Variants in PATJ observed in about 807,000 individuals in gnomAD.
PATJ encodes the protein inaD-like protein.
PATJ carries 190 observed loss-of-function variants against 224.9 expected under a neutral mutation model. The ratio of observed to expected loss-of-function variants is 0.84; its 90% confidence interval spans 0.75 to 0.95. PATJ has a LOEUF of 0.95. PATJ is among the 40% of genes least tolerant of loss of function. The probability of loss-of-function intolerance (pLI) is 0.00; values close to 1 mark genes in which losing one functional copy is unlikely to be tolerated. For synonymous variants in PATJ, 769 were observed against 820.3 expected (o/e 0.94, Z 1.07); for missense variants, 2,121 against 2,270.3 (o/e 0.93, Z 1.34).
At chr1:61,963,155 A>G (rs1172878178) in intron 27 of PATJ, among the ~76,000 whole-genome samples, 2 of 152,214 alleles carry the variant, frequency 1.3e-5, no homozygotes, top group Non-Finnish European at 2.9e-5. Flanking sequence ...TAGGTTAAAG[A>G]TCAGCATATA....
At chr1:62,091,187 C>T (rs1660686755) in intron 33 of PATJ, among the ~76,000 whole-genome samples, 1 of 151,948 alleles carries the variant, frequency 6.6e-6, no homozygotes, top group Non-Finnish European at 1.5e-5. Flanking sequence ...TCTCTAGGAC[C>T]CTCTTTCTAT....
intron 22 of PATJ, among the ~76,000 whole-genome samples, chr1:61,897,537 A>G (rs565638491): frequency 5.8e-4 from 88 of 152,322 alleles, no homozygotes; most frequent in Admixed American, 1.6e-3. Context: ...TATGATTTGA[A>G]GATGAATGTT....
chr1:61,765,423 C>T (rs1646216669), intron 3 of PATJ, among the ~76,000 whole-genome samples: 2 of 151,160 alleles, frequency 1.3e-5, no homozygotes, highest in African/African-American at 2.4e-5. Flanking sequence ...CTTGCTCTGT[C>T]ATCCAGGCTG....
At chr1:61,795,419 G>T (rs376618720) in intron 9 of PATJ, 48 bp from the exon 10 acceptor site, 90 of 1,141,252 alleles carry the variant, frequency 7.9e-5, no homozygotes, top group Admixed American at 5.3e-4. Flanking sequence ...TGCAATCAAG[G>T]CCTAATTAGA....
rs766357883 is a variant in PATJ at position 62,002,709 on chromosome 1, C to CA, written c.3867+12370dup. Among the ~76,000 whole-genome samples the CA allele has an allele frequency of 4.8e-3, 543 of 112,542 alleles. 4 individuals are homozygous for CA. Among genetic ancestry groups the CA allele is most frequent in the South Asian group, 6.7e-3 (23 of 3,448 alleles). 73.8% of individuals were successfully genotyped at this position (112,542 alleles called of 152,430 possible). On this transcript the variant is annotated intron_variant, in intron 28 of 43. Transcript: ENST00000642238. Reference sequence around the variant, plus strand: ...GGGCAACAAGAGCGAAACTCTGTCTCAAAAAAAAAAAAAAAAAAAAAAAAA... The same window carrying CA: ...GGGCAACAAGAGCGAAACTCTGTCTCAAAAAAAAAAAAAAAAAAAAAAAAAA...
intron 20 of PATJ, among the ~76,000 whole-genome samples, chr1:61,869,358 G>A (rs918040478): frequency 3.9e-5 from 6 of 151,924 alleles, no homozygotes; most frequent in Non-Finnish European, 7.4e-5. Context: ...CGCCCGCCTC[G>A]GCCTCCCAAA....
At chr1:61,780,004 A>G (rs1391812688) in intron 7 of PATJ, among the ~76,000 whole-genome samples, 2 of 152,164 alleles carry the variant, frequency 1.3e-5, no homozygotes, top group East Asian at 3.9e-4. Flanking sequence ...CACTGCACCA[A>G]GCCATTCATG....
In PATJ at chr1:61,764,937, C is replaced by T. The variant is rs181409559; in HGVS notation, c.190-1342C>T. ...CTAAGAGTGGCTGTAACTACCCTAT[C>T]CTAATAACAATTCTTTATATTTGTA... On this transcript the variant is annotated intron_variant, in intron 3 of 43. Coordinates refer to ENST00000642238, the MANE Select transcript of PATJ (RefSeq NM_001350145.3). 2.2e-3 allele frequency among the ~76,000 whole-genome samples: 330 copies of T among 152,122 alleles called. 1 individual carries two copies. Among genetic ancestry groups the T allele is most frequent in the African/African-American group, 7.6e-3 (316 of 41,520 alleles).
chr1:61,860,353 G>A (rs746086019), intron 18 of PATJ, among the ~76,000 whole-genome samples: 45 of 152,140 alleles, frequency 3.0e-4, no homozygotes, highest in Non-Finnish European at 4.1e-4. Context: ...GAGGCACCAC[G>A]CCCTGGCTGA....
intron 27 of PATJ, among the ~76,000 whole-genome samples, chr1:61,955,498 C>T (rs760209657): frequency 1.6e-4 from 24 of 152,078 alleles, no homozygotes; most frequent in Non-Finnish European, 2.9e-4. Flanking sequence ...AGGAGGGAAA[C>T]GATAGCAATG....
At chr1:61,764,193 T>G (rs1485469955) in intron 3 of PATJ, among the ~76,000 whole-genome samples, 1 of 152,172 alleles carries the variant, frequency 6.6e-6, no homozygotes, top group African/African-American at 2.4e-5. Context: ...ATCATGCCCT[T>G]ATAGCACAAT....
chr1:61,913,079 T>C (rs1159769502), intron 25 of PATJ, among the ~76,000 whole-genome samples: 3 of 152,204 alleles, frequency 2.0e-5, no homozygotes, highest in African/African-American at 7.2e-5. Flanking sequence ...ACTTTCTCAT[T>C]CTAAACTTTA....
chr1:61,795,856 C>CT (rs1281035688), intron 10 of PATJ, among the ~76,000 whole-genome samples: 2 of 152,162 alleles, frequency 1.3e-5, no homozygotes, highest in Admixed American at 6.6e-5. Context: ...GAGGACCACA[C>CT]TGTGTTCTTT....
intron 27 of PATJ, among the ~76,000 whole-genome samples, chr1:61,982,029 A>G (rs1395251050): frequency 3.9e-5 from 6 of 151,902 alleles, no homozygotes; most frequent in Non-Finnish European, 7.4e-5. Context: ...AGGGCAGGAC[A>G]CCTGTCACAT....
chr1:61,817,509 C>T (rs1656364589), intron 14 of PATJ, among the ~76,000 whole-genome samples: 3 of 152,032 alleles, frequency 2.0e-5, no homozygotes. Context: ...ACTAAAAATA[C>T]AAAAATTAGC....
intron 7 of PATJ, 72 bp from the exon 8 acceptor site, chr1:61,787,682 T>C: frequency 8.6e-7 from 1 of 1,165,608 alleles, no homozygotes; most frequent in Non-Finnish European, 1.3e-6. Context: ...GAGCTGAAAG[T>C]CTGATGAATT....
At chr1:62,002,428 G>A (rs1392623186) in intron 28 of PATJ, among the ~76,000 whole-genome samples, 1 of 151,966 alleles carries the variant, frequency 6.6e-6, no homozygotes, top group Non-Finnish European at 1.5e-5. Flanking sequence ...AAAAGAGAGC[G>A]GGGCGCAGTG....
rs1016046910 is a variant in PATJ, at chr1:61,938,964, C to CA, written c.3670+11144dup. ...TGAAACACCGTCTCTACTAAATATA[C>CA]AAAAAAAAATTAGCCAGGCGTGGTG... On this transcript the variant is annotated intron_variant, in intron 27 of 43. Coordinates refer to ENST00000642238, the MANE Select transcript of PATJ (RefSeq NM_001350145.3). Among the ~76,000 whole-genome samples the CA allele has an allele frequency of 7.4e-5, 11 of 148,662 alleles. No individual in the cohort carries two copies. The East Asian group carries it at 7.9e-4, about 11-fold the overall frequency.
Position 62,036,871 on chromosome 1 carries a change from C to CAAAAAAAAAAAA in PATJ, c.3960-1096_3960-1095insAAAAAAAAAAAA, listed in dbSNP as rs55761910. Among the ~76,000 whole-genome samples the CAAAAAAAAAAAA allele has an allele frequency of 8.3e-4, 56 of 67,334 alleles. 4 individuals are homozygous for CAAAAAAAAAAAA. The highest frequency in any genetic ancestry group is 1.3e-3 in the South Asian group (2 of 1,486). The allele number at this position is 67,334 out of a possible 152,430, so 44.2% of individuals were successfully genotyped here. A position where few individuals can be genotyped will look rare whatever the true frequency, so the allele number is the denominator to read the frequency against. On this transcript the variant is annotated intron_variant, in intron 29 of 43. Transcript: ENST00000642238. ...TTGGTGACAAAGTGAGACTCCATCT[C>CAAAAAAAAAAAA]AAAAAAAAAAGAAGGAAGAAAGGAA...
Sources: gnomAD v4.1 joint callset for allele counts (sites outside exome capture counted in the v4.1 genomes callset) on GRCh38, gnomAD v4.1.1 for gene constraint, MANE v1.5 for transcripts, NCBI Gene and HGNC (gene_info 2026-07-23, HGNC 2026-07-21) for gene names.